Variants in SMAD3 observed in about 807,000 individuals in gnomAD.
SMAD3 encodes the protein MAD homolog 3.
In SMAD3, 12 loss-of-function variants were observed where a neutral mutation model predicts 51.8. The ratio of observed to expected loss-of-function variants is 0.23; its 90% CI spans 0.15 to 0.38. The LOEUF is 0.38. Ranked by LOEUF, SMAD3 falls within the 10% of genes least tolerant of loss-of-function variation. SMAD3 has a pLI of 1.00. For missense variants in SMAD3, 294 were observed against 565.6 expected, an observed-to-expected ratio of 0.52 and a Z score of 4.87; for synonymous variants, 238 against 227.7, an observed-to-expected ratio of 1.05 and a Z score of -0.41.
chr15:67,148,199 G>C (rs1433426960), intron 1 of SMAD3, among the ~76,000 whole-genome samples: 1 of 152,132 alleles, frequency 6.6e-6, no homozygotes, highest in East Asian at 1.9e-4. Context: ...GGTACTAGAA[G>C]GTGAGAAGAC....
intron 1 of SMAD3, among the ~76,000 whole-genome samples, chr15:67,093,171 C>A (rs1216798151): frequency 6.6e-6 from 1 of 152,212 alleles, no homozygotes; most frequent in Non-Finnish European, 1.5e-5. Context: ...CAGGACAGGA[C>A]TCCTGGCTCC....
intron 1 of SMAD3, among the ~76,000 whole-genome samples, chr15:67,077,336 A>G (rs1485395269): frequency 1.3e-5 from 2 of 152,176 alleles, no homozygotes; most frequent in African/African-American, 4.8e-5. Context: ...TATGGGTAGC[A>G]TTTTGGAGAT....
chr15:67,094,745 C>A (rs780037955), intron 1 of SMAD3, among the ~76,000 whole-genome samples: 56 of 152,218 alleles, frequency 3.7e-4, no homozygotes, highest in Non-Finnish European at 6.9e-4. Flanking sequence ...CTCAGAGGAG[C>A]CTTTGCTTTA....
chr15:67,119,110 C>A (rs1318320503), intron 1 of SMAD3, among the ~76,000 whole-genome samples: 1 of 152,120 alleles, frequency 6.6e-6, no homozygotes, highest in Non-Finnish European at 1.5e-5. Flanking sequence ...TGAGAAGGTC[C>A]AGACCTGCAC....
At chr15:67,155,911 C>A (rs1352600687) in intron 1 of SMAD3, among the ~76,000 whole-genome samples, 1 of 151,478 alleles carries the variant, frequency 6.6e-6, no homozygotes, top group African/African-American at 2.4e-5. Flanking sequence ...CGCTTGAACC[C>A]GGGGGCAGAG....
At chr15:67,087,055 C>G (rs998425756) in intron 1 of SMAD3, among the ~76,000 whole-genome samples, 3 of 152,116 alleles carry the variant, frequency 2.0e-5, no homozygotes, top group African/African-American at 7.2e-5. Flanking sequence ...GCCACCACAC[C>G]TGGCTAATTT....
At chr15:67,170,068 G>A (rs1003185259) in intron 4 of SMAD3, among the ~76,000 whole-genome samples, 10 of 152,180 alleles carry the variant, frequency 6.6e-5, no homozygotes, top group African/African-American at 2.4e-4. Flanking sequence ...GACCAAGGTC[G>A]GTGGCTGGTG....
intron 1 of SMAD3, among the ~76,000 whole-genome samples, chr15:67,102,247 A>AGTGTGTGTGTGTGTGTGT (rs56983970): frequency 1.1e-3 from 165 of 149,206 alleles, no homozygotes; most frequent in Non-Finnish European, 1.7e-3. Flanking sequence ...ATGCTGTGAA[A>AGTGTGTGTGTGTGTGTGT]GTGTGTGTGT....
At chr15:67,143,961 G>A (rs970661823) in intron 1 of SMAD3, among the ~76,000 whole-genome samples, 33 of 149,754 alleles carry the variant, frequency 2.2e-4, no homozygotes, top group African/African-American at 8.2e-4. Context: ...GAGCCACTGT[G>A]CCCTGCCTTT....
At position 67,166,821 on chromosome 15, in the gene SMAD3, G is replaced by C. The variant is rs1264997614; in HGVS notation, c.575G>C (p.Ser192Thr). The C allele has an allele frequency of 2.5e-6, 4 of 1,596,982 alleles. No homozygotes were observed. The highest frequency in any genetic ancestry group is 1.7e-5 in the Admixed American group (1 of 57,644). ...TACCTGAGTGAAGATGGAGAAACCAGTGACCACCAGATGAACCACAGCATG... is the reference window on the plus strand; with the variant it reads ...TACCTGAGTGAAGATGGAGAAACCACTGACCACCAGATGAACCACAGCATG... Reference protein sequence around the residue: ...PGYLSEDGETSDHQMNHSMDA... With the variant: ...PGYLSEDGETTDHQMNHSMDA... Residue 192 changes from serine to threonine, a missense_variant, in exon 4 of 9, where the codon AGT (serine) becomes ACT (threonine). Coordinates refer to ENST00000327367, the MANE Select transcript of SMAD3 (RefSeq NM_005902.4).
At chr15:67,099,749 A>G (rs571703484) in intron 1 of SMAD3, among the ~76,000 whole-genome samples, 206 of 152,354 alleles carry the variant, frequency 1.4e-3, no homozygotes, top group African/African-American at 4.8e-3. Flanking sequence ...AACTGATTGC[A>G]CACCACGTGC....
chr15:67,118,196 G>C (rs1237937134), intron 1 of SMAD3, among the ~76,000 whole-genome samples: 1 of 152,258 alleles, frequency 6.6e-6, no homozygotes, highest in Non-Finnish European at 1.5e-5. Flanking sequence ...CGTCGGGGAA[G>C]ATAGGCACGG....
intron 1 of SMAD3, among the ~76,000 whole-genome samples, chr15:67,121,623 G>A (rs1961265982): frequency 6.6e-6 from 1 of 152,098 alleles, no homozygotes; most frequent in Admixed American, 6.5e-5. Context: ...AAGAACATTT[G>A]TGAAGAAAAC....
chr15:67,084,897 G>A (rs749581109), intron 1 of SMAD3, among the ~76,000 whole-genome samples: 23 of 152,206 alleles, frequency 1.5e-4, no homozygotes, highest in African/African-American at 2.9e-4. Flanking sequence ...TCTCTTATCC[G>A]TAAGAAACTA....
chr15:67,172,769 A>G (rs1176223273), intron 5 of SMAD3, among the ~76,000 whole-genome samples: 1 of 152,034 alleles, frequency 6.6e-6, no homozygotes, highest in Non-Finnish European at 1.5e-5. Flanking sequence ...CAGAGCGTGC[A>G]CTCCCATTGT....
intron 1 of SMAD3, among the ~76,000 whole-genome samples, chr15:67,136,382 G>T (rs1180213697): frequency 2.7e-5 from 4 of 150,586 alleles, no homozygotes; most frequent in African/African-American, 4.9e-5. Context: ...ACCCAGGCTG[G>T]AGTGCAGTGG....
chr15:67,151,886 A>G (rs1210378076), intron 1 of SMAD3, among the ~76,000 whole-genome samples: 2 of 152,156 alleles, frequency 1.3e-5, no homozygotes, highest in African/African-American at 4.8e-5. Context: ...TATGTATGTT[A>G]CTATATAAGC....
intron 1 of SMAD3, among the ~76,000 whole-genome samples, chr15:67,085,893 CACACACATACACAG>C (rs1157568877): frequency 2.5e-4 from 8 of 32,258 alleles, no homozygotes; most frequent in South Asian, 2.3e-3. Flanking sequence ...CACACACACA[CACACACATACACAG>C]AGAACAGCTC....
At chr15:67,083,829 A>G (rs1960327513) in intron 1 of SMAD3, among the ~76,000 whole-genome samples, 1 of 152,184 alleles carries the variant, frequency 6.6e-6, no homozygotes, top group Non-Finnish European at 1.5e-5. Context: ...CAGGTTCTAA[A>G]AAGTGTTGAA....
Sources: allele counts gnomAD v4.1 joint callset (sites outside exome capture counted in the v4.1 genomes callset), GRCh38; gene constraint gnomAD v4.1.1; transcripts MANE v1.5; gene names NCBI Gene and HGNC (gene_info 2026-07-23, HGNC 2026-07-21).